Variants in STAG1 observed in about 807,000 individuals in gnomAD.
STAG1 encodes cohesin subunit SA-1.
STAG1 carries 26 observed loss-of-function variants against 170.9 expected under a neutral mutation model. That is an observed-to-expected ratio of 0.15 (90% confidence interval 0.11 to 0.21). The LOEUF (loss-of-function observed/expected upper bound fraction) is 0.21, where lower values mean the gene tolerates loss of function less well. STAG1 is among the 10% of genes least tolerant of loss of function. The probability of loss-of-function intolerance (pLI) is 1.00; values close to 1 mark genes in which losing one functional copy is unlikely to be tolerated. For synonymous variants in STAG1, 514 were observed against 497.7 expected, an observed-to-expected ratio of 1.03 and a Z score of -0.44; for missense variants, 964 against 1,509.5, an observed-to-expected ratio of 0.64 and a Z score of 5.99.
intron 6 of STAG1, among the ~76,000 whole-genome samples, chr3:136,528,492 G>GCCCCCC (rs763709959): frequency 4.5e-5 from 1 of 22,096 alleles, no homozygotes; most frequent in African/African-American, 1.1e-4. Flanking sequence ...AGATGTCCCC[G>GCCCCCC]CACCCCCCCC....
intron 21 of STAG1, among the ~76,000 whole-genome samples, chr3:136,409,730 A>G (rs1009403522): frequency 6.6e-5 from 10 of 152,196 alleles, no homozygotes; most frequent in Admixed American, 5.9e-4. Flanking sequence ...AAATACTAGC[A>G]TCTAATCTCT....
chr3:136,643,385 T>G, intron 1 of STAG1, among the ~76,000 whole-genome samples: 1 of 152,168 alleles, frequency 6.6e-6, no homozygotes, highest in East Asian at 1.9e-4. Flanking sequence ...AGATGAGAAG[T>G]TCTATGAGGT....
At chr3:136,693,528 C>T (rs1942789479) in intron 1 of STAG1, among the ~76,000 whole-genome samples, 1 of 152,156 alleles carries the variant, frequency 6.6e-6, no homozygotes. Flanking sequence ...TGGCTGTTTA[C>T]ATTAAGGACA....
At chr3:136,621,333 A>C (rs897680814) in intron 3 of STAG1, among the ~76,000 whole-genome samples, 1 of 152,216 alleles carries the variant, frequency 6.6e-6, no homozygotes, top group African/African-American at 2.4e-5. Context: ...AATTCAAGTA[A>C]GCAAACATGT....
intron 1 of STAG1, among the ~76,000 whole-genome samples, chr3:136,654,108 A>G (rs1362925104): frequency 6.6e-6 from 1 of 152,210 alleles, no homozygotes; most frequent in Non-Finnish European, 1.5e-5. Flanking sequence ...TACTACTTCT[A>G]TTTAAAATAG....
intron 16 of STAG1, among the ~76,000 whole-genome samples, chr3:136,424,835 A>T (rs906744244): frequency 2.2e-4 from 34 of 152,060 alleles, no homozygotes; most frequent in Admixed American, 9.2e-4. Flanking sequence ...TGAGATATGC[A>T]TAAGATTATT....
chr3:136,349,498 T>C, intron 28 of STAG1, 135 bp from the exon 29 acceptor site: 1 of 671,184 alleles, frequency 1.5e-6, no homozygotes, highest in East Asian at 2.7e-5. Flanking sequence ...TTAACAGTGG[T>C]CACCTTTGGA....
chr3:136,723,947 G>A (rs1182246377), intron 1 of STAG1, among the ~76,000 whole-genome samples: 6 of 149,938 alleles, frequency 4.0e-5, no homozygotes, highest in South Asian at 4.2e-4. Flanking sequence ...TCAGCCCCCC[G>A]CCAGGCCAGC....
chr3:136,689,966 G>A (rs539708768), intron 1 of STAG1, among the ~76,000 whole-genome samples: 5 of 150,844 alleles, frequency 3.3e-5, no homozygotes, highest in African/African-American at 1.2e-4. Context: ...GTTGAACCTG[G>A]GAGGCAGAGG....
intron 25 of STAG1, among the ~76,000 whole-genome samples, chr3:136,366,736 T>G (rs1172483835): frequency 6.6e-6 from 1 of 152,142 alleles, no homozygotes; most frequent in Non-Finnish European, 1.5e-5. Context: ...AAGTATGTTC[T>G]TTCATATAAA....
chr3:136,534,961 G>C (rs1465256095), intron 6 of STAG1, among the ~76,000 whole-genome samples: 1 of 152,136 alleles, frequency 6.6e-6, no homozygotes, highest in Admixed American at 6.6e-5. Flanking sequence ...GTTTATCACA[G>C]CACTATTCAC....
intron 22 of STAG1, among the ~76,000 whole-genome samples, chr3:136,389,607 C>T (rs1395512785): frequency 6.6e-6 from 1 of 152,034 alleles, no homozygotes; most frequent in East Asian, 1.9e-4. Flanking sequence ...GCAGCCTCCA[C>T]CTCCTGGGTT....
In STAG1 at chr3:136,692,265, G is replaced by C. The variant is rs1942751480; in HGVS notation, c.-84+59930C>G. Reference sequence around the variant, plus strand: ...GGAGGAAGAGGCTGCAGTGAGCCAAGATCGCACCATTGCACTCCAGCCTGG... The same window carrying C: ...GGAGGAAGAGGCTGCAGTGAGCCAACATCGCACCATTGCACTCCAGCCTGG... On this transcript the variant is annotated intron_variant, in intron 1 of 33. Coordinates refer to ENST00000383202, the MANE Select transcript of STAG1 (RefSeq NM_005862.3). Among the ~76,000 whole-genome samples, 4 of 129,228 alleles carry C rather than the reference G, an allele frequency of 3.1e-5. No homozygotes were observed. The South Asian group carries it at 9.6e-4, about 31-fold the overall frequency. The allele number at this position is 129,228 out of a possible 152,430, so 84.8% of individuals were successfully genotyped here.
chr3:136,585,336 G>A (rs1317139811), intron 4 of STAG1, among the ~76,000 whole-genome samples: 1 of 152,110 alleles, frequency 6.6e-6, no homozygotes, highest in African/African-American at 2.4e-5. Context: ...CAGCTACTGG[G>A]GAGGCTGAGG....
intron 22 of STAG1, among the ~76,000 whole-genome samples, chr3:136,384,498 G>T (rs1406010535): frequency 2.0e-5 from 3 of 151,482 alleles, no homozygotes; most frequent in Non-Finnish European, 4.4e-5. Context: ...GCCAGTCGTG[G>T]TGGCTCACAC....
At chr3:136,410,095 A>C (rs2087584456) in intron 21 of STAG1, among the ~76,000 whole-genome samples, 1 of 149,628 alleles carries the variant, frequency 6.7e-6, no homozygotes, top group African/African-American at 2.4e-5. Context: ...AAAAAAGATA[A>C]ATACAAAAAA....
chr3:136,423,555 A>G (rs1404178159), intron 16 of STAG1, among the ~76,000 whole-genome samples: 1 of 152,256 alleles, frequency 6.6e-6, no homozygotes, highest in South Asian at 2.1e-4. Context: ...AAAAAAGAGT[A>G]TAGTTTGTGC....
intron 9 of STAG1, among the ~76,000 whole-genome samples, chr3:136,498,732 C>T (rs1933301080): frequency 6.6e-6 from 1 of 151,324 alleles, no homozygotes. Flanking sequence ...CAGGTATATG[C>T]AAATCCTTGT....
intron 21 of STAG1, among the ~76,000 whole-genome samples, chr3:136,414,745 T>C (rs2087725447): frequency 6.6e-6 from 1 of 152,236 alleles, no homozygotes; most frequent in Non-Finnish European, 1.5e-5. Context: ...TTATGCAATG[T>C]TTTTTCTTAA....
Sources: allele counts gnomAD v4.1 joint callset (sites outside exome capture counted in the v4.1 genomes callset), GRCh38; gene constraint gnomAD v4.1.1; transcripts MANE v1.5; gene names NCBI Gene and HGNC (gene_info 2026-07-23, HGNC 2026-07-21).